Variants in MME observed in about 807,000 individuals in gnomAD.
MME encodes the protein neprilysin.
In MME, 98 loss-of-function variants were observed where a neutral mutation model predicts 113.2. The ratio of observed to expected loss-of-function variants is 0.87; its 90% CI spans 0.74 to 1.02. MME has a LOEUF of 1.02. Among genes scored for constraint, MME ranks in the 50% least tolerant of loss-of-function variants. The probability of loss-of-function intolerance (pLI) is 0.00; values close to 1 mark genes in which losing one functional copy is unlikely to be tolerated. For synonymous variants in MME, 292 were observed against 300.6 expected (o/e 0.97, Z 0.30); for missense variants, 836 against 896.0 (o/e 0.93, Z 0.86).
upstream of MME, among the ~76,000 whole-genome samples, chr3:155,074,875 T>C (rs1285062620): frequency 6.6e-6 from 1 of 152,212 alleles, no homozygotes; most frequent in Non-Finnish European, 1.5e-5. Context: ...TATTTAATAG[T>C]TTGGCATATA....
In MME at chr3:155,181,376, A is replaced by G. The variant is rs1713073956; in HGVS notation, c.*917A>G. The G allele has an allele frequency of 6.6e-6, 1 of 152,166 alleles. No homozygotes were observed. The highest frequency in any genetic ancestry group is 6.6e-5 in the Admixed American group (1 of 15,262). The allele number at this position is 152,166 out of a possible 1,614,324, so 9.4% of individuals were successfully genotyped here. ...TAAATCATATTGATGAAAAGATTTAAGCACAAACTTTAGGGTAAAAATTGC... is the reference window on the plus strand; with the variant it reads ...TAAATCATATTGATGAAAAGATTTAGGCACAAACTTTAGGGTAAAAATTGC... On this transcript the variant is annotated 3_prime_UTR_variant, in exon 23 of 23. Coordinates refer to ENST00000360490, the MANE Select transcript of MME (RefSeq NM_007289.4).
chr3:155,153,348 C>T (rs1722082170), intron 16 of MME, among the ~76,000 whole-genome samples: 1 of 152,088 alleles, frequency 6.6e-6, no homozygotes, highest in African/African-American at 2.4e-5. Context: ...GTATGTGTTT[C>T]CAAAATCATC....
chr3:155,107,522 G>A (rs1347817076), intron 3 of MME, among the ~76,000 whole-genome samples: 1 of 152,076 alleles, frequency 6.6e-6, no homozygotes, highest in Non-Finnish European at 1.5e-5. Flanking sequence ...GAAATGGTTT[G>A]TATCTTTTTC....
At chr3:155,161,092 G>A (rs1722690787) in intron 17 of MME, among the ~76,000 whole-genome samples, 1 of 152,116 alleles carries the variant, frequency 6.6e-6, no homozygotes, top group Admixed American at 6.6e-5. Context: ...TATCATATAT[G>A]ATGAATAACT....
intron 1 of MME, among the ~76,000 whole-genome samples, chr3:155,027,903 C>T (rs1712840093): frequency 6.6e-6 from 1 of 152,098 alleles, no homozygotes; most frequent in East Asian, 1.9e-4. Context: ...AATCTTTTAC[C>T]TCAAATATAT....
intron 1 of MME, among the ~76,000 whole-genome samples, chr3:155,025,329 G>A (rs1323059868): frequency 6.6e-6 from 1 of 152,106 alleles, no homozygotes; most frequent in African/African-American, 2.4e-5. Flanking sequence ...AATGAATTCT[G>A]GAGAACTAGG....
intron 1 of MME, among the ~76,000 whole-genome samples, chr3:155,040,922 T>A (rs190327925): frequency 2.0e-5 from 3 of 152,188 alleles, no homozygotes; most frequent in Non-Finnish European, 2.9e-5. Flanking sequence ...AATTTGTGGC[T>A]CAAACCATTA....
At chr3:155,108,050 T>A (rs997763914) in intron 3 of MME, among the ~76,000 whole-genome samples, 15 of 152,132 alleles carry the variant, frequency 9.9e-5, no homozygotes, top group African/African-American at 3.6e-4. Flanking sequence ...AAATAAGGTG[T>A]CTTTAAACAG....
intron 3 of MME, among the ~76,000 whole-genome samples, chr3:155,114,792 A>C (rs1372932950): frequency 2.6e-5 from 4 of 152,220 alleles, no homozygotes; most frequent in African/African-American, 7.2e-5. Flanking sequence ...AGTTCAAAAT[A>C]AAACGAACCA....
chr3:155,072,002 A>G (rs1296547922), intron 1 of MME, among the ~76,000 whole-genome samples: 2 of 151,962 alleles, frequency 1.3e-5, no homozygotes, highest in South Asian at 4.2e-4. Context: ...TCTACTAAAA[A>G]TACAAGAAAT....
intron 1 of MME, among the ~76,000 whole-genome samples, chr3:155,051,329 G>T (rs566239585): frequency 2.4e-4 from 36 of 152,136 alleles, no homozygotes; most frequent in Non-Finnish European, 4.1e-4. Flanking sequence ...TGAATTCCAT[G>T]GGAAACCAAC....
At position 155,170,521 on chromosome 3, in the gene MME, T is replaced by A. The variant is rs1711810693; in HGVS notation, c.1981-1596T>A. Among the ~76,000 whole-genome samples the A allele has an allele frequency of 2.6e-5, 4 of 152,228 alleles. No individual in the cohort carries two copies. The South Asian group carries it at 8.3e-4, about 32-fold the overall frequency. ...GTCTAGGGACATTATTCTCAACTGC[T>A]GAGATAAGAATCTACTCTGTGAATC... On this transcript the variant is annotated intron_variant, in intron 20 of 22. Transcript: ENST00000360490.
chr3:155,076,873 C>T (rs1000965242), upstream of MME, among the ~76,000 whole-genome samples: 1 of 152,268 alleles, frequency 6.6e-6, no homozygotes, highest in South Asian at 2.1e-4. Context: ...TTTTAGCATG[C>T]TAATACATTA....
intron 4 of MME, 66 bp from the exon 5 acceptor site, chr3:155,116,413 C>A: frequency 8.5e-7 from 1 of 1,171,194 alleles, no homozygotes; most frequent in Non-Finnish European, 1.3e-6. Context: ...TGCAAATGAG[C>A]AATTATGTTT....
Position 155,116,927 on chromosome 3 carries a change from G to A in MME, c.595G>A (p.Val199Ile). The A allele has an allele frequency of 6.2e-6, 10 of 1,612,440 alleles. No homozygotes were observed. Among genetic ancestry groups the A allele is most frequent in the Non-Finnish European group, 8.5e-6 (10 of 1,178,864 alleles). The change falls in exon 7 of 23, where the codon GTC becomes ATC. Residue 199 changes from valine (V) to isoleucine (I), a missense_variant. Transcript: ENST00000360490. ...ACTGAATTCTAAATATGGGAAAAAA[G>A]TCCTTATTAATTTGTTTGTTGGCAC... is the stretch of plus-strand genomic sequence containing the variant. ...AQLNSKYGKK[V>I]LINLFVGTDD...
chr3:155,112,043 C>G (rs1718235918), intron 3 of MME, among the ~76,000 whole-genome samples: 1 of 151,634 alleles, frequency 6.6e-6, no homozygotes, highest in South Asian at 2.1e-4. Context: ...TGCTTTTTCT[C>G]TCTACCTTTT....
intron 17 of MME, among the ~76,000 whole-genome samples, 199 bp downstream of exon 17, chr3:155,160,647 C>T (rs1485139244): frequency 1.3e-5 from 2 of 151,978 alleles, no homozygotes; most frequent in African/African-American, 4.8e-5. Flanking sequence ...GTACAAATCA[C>T]GTTAAGTAGT....
At chr3:155,038,517 T>C (rs770257545) in intron 1 of MME, among the ~76,000 whole-genome samples, 2 of 152,156 alleles carry the variant, frequency 1.3e-5, no homozygotes, top group African/African-American at 4.8e-5. Context: ...CAGAGGCTTG[T>C]TTCTATCCTT....
At chr3:155,170,559 A>G (rs924553375) in intron 20 of MME, among the ~76,000 whole-genome samples, 1 of 152,158 alleles carries the variant, frequency 6.6e-6, no homozygotes, top group Non-Finnish European at 1.5e-5. Flanking sequence ...GGGGATTTCC[A>G]TTCTTGTCCT....
Sources: gnomAD v4.1 joint callset for allele counts (sites outside exome capture counted in the v4.1 genomes callset) on GRCh38, gnomAD v4.1.1 for gene constraint, MANE v1.5 for transcripts, NCBI Gene and HGNC (gene_info 2026-07-23, HGNC 2026-07-21) for gene names.